The following MYO16 variants were observed in gnomAD, a reference collection of about 807,000 sequenced individuals.
The protein encoded by MYO16 is myosin XVI, also known as unconventional myosin-XVI.
In MYO16, 94 loss-of-function variants were observed where a neutral mutation model predicts 205.3. The observed-to-expected ratio is 0.46, with a 90% CI of 0.39 to 0.54. The LOEUF is 0.54. Among genes scored for constraint, MYO16 ranks in the 20% least tolerant of loss-of-function variants. The pLI is 0.00. For missense variants in MYO16, 2,315 were observed against 2,387.5 expected, an observed-to-expected ratio of 0.97 and a Z score of 0.63; for synonymous variants, 988 against 954.0, an observed-to-expected ratio of 1.04 and a Z score of -0.66.
At chr13:108,770,113 A>G (rs1215943786) in intron 4 of MYO16, among the ~76,000 whole-genome samples, 1 of 152,186 alleles carries the variant, frequency 6.6e-6, no homozygotes, top group African/African-American at 2.4e-5. Context: ...ATGATAAACT[A>G]CTAAAAAATG....
the MYO16 span, among the ~76,000 whole-genome samples, chr13:108,558,522 A>T: frequency 2.1e-4 from 32 of 152,220 alleles, no homozygotes; most frequent in Non-Finnish European, 4.0e-4. Context: ...GTAGGGTTCT[A>T]TCAGGTACTT....
chr13:108,632,010 G>T (rs370749886), intron 1 of MYO16, among the ~76,000 whole-genome samples: 1 of 150,166 alleles, frequency 6.7e-6, no homozygotes, highest in Non-Finnish European at 1.5e-5. Flanking sequence ...CCCGGGAGGC[G>T]GAGCTTGCGG....
chr13:108,685,314 C>A (rs1462767708), intron 2 of MYO16, among the ~76,000 whole-genome samples: 1 of 152,122 alleles, frequency 6.6e-6, no homozygotes, highest in Non-Finnish European at 1.5e-5. Context: ...AGCCACTGCA[C>A]CCAGCCGAGA....
chr13:108,620,096 G>A lies in MYO16; in HGVS notation c.-39+23857G>A, dbSNP rs114979815. Among the ~76,000 whole-genome samples the A allele has an allele frequency of 3.4e-3, 516 of 152,126 alleles. 3 individuals are homozygous for A. Among genetic ancestry groups the A allele is most frequent in the African/African-American group, 0.012 (499 of 41,510 alleles). On this transcript the variant is annotated intron_variant, in intron 1 of 24. Coordinates refer to the MYO16 transcript ENST00000251041. ...TCTTTGTGCCTCAATTTCCTCATCT[G>A]TTAAAAAAGTATTAGTACCCACTAC...
At chr13:108,697,432 G>T (rs1221341591) in intron 2 of MYO16, among the ~76,000 whole-genome samples, 1 of 152,264 alleles carries the variant, frequency 6.6e-6, no homozygotes, top group East Asian at 1.9e-4. Flanking sequence ...TACTCAGCAC[G>T]GGAGGACATT....
chr13:108,605,060 G>A (rs897821918), intron 1 of MYO16, among the ~76,000 whole-genome samples: 8 of 152,116 alleles, frequency 5.3e-5, no homozygotes, highest in South Asian at 2.1e-4. Flanking sequence ...AAACCATATC[G>A]GTAGTGGCAA....
chr13:108,564,172 C>CT, the MYO16 span, among the ~76,000 whole-genome samples: 3,024 of 126,662 alleles, frequency 0.024, 133 homozygotes, highest in African/African-American at 0.075. Flanking sequence ...CTATTGCCTT[C>CT]TTTTTTTTTT....
chr13:108,872,286 A>C (rs951911378), intron 12 of MYO16, among the ~76,000 whole-genome samples: 1 of 152,178 alleles, frequency 6.6e-6, no homozygotes, highest in Non-Finnish European at 1.5e-5. Context: ...GCTTCTATGG[A>C]TCTAGAGGTA....
chr13:108,760,632 A>G (rs990188433), intron 4 of MYO16, among the ~76,000 whole-genome samples: 2 of 152,182 alleles, frequency 1.3e-5, no homozygotes, highest in South Asian at 2.1e-4. Context: ...TAGCCATTAC[A>G]GAAAGAAGTA....
chr13:108,852,727 G>A (rs1877949515), intron 10 of MYO16, among the ~76,000 whole-genome samples: 1 of 152,084 alleles, frequency 6.6e-6, no homozygotes, highest in Admixed American at 6.5e-5. Context: ...GCCCCTACAT[G>A]TGTTACTAAG....
At position 108,957,742 on chromosome 13, in the gene MYO16, C is replaced by T; in HGVS notation, c.1980C>T (p.Asn660=). Residue 660 remains asparagine (N), a synonymous_variant, in exon 17 of 35, where the codon AAC becomes AAT. Transcript: ENST00000457511. ...CATCCACAGGGGAGCGTTCTCTGAA[C>T]AGGGAGAAATTGGCTGTTTTGAAAC... ...DDASTGERSL[N]REKLAVLKRA... The T allele has an allele frequency of 1.9e-6, 3 of 1,613,650 alleles. No homozygotes were observed. Among genetic ancestry groups the T allele is most frequent in the Non-Finnish European group, 1.7e-6 (2 of 1,179,630 alleles).
Position 109,202,882 on chromosome 13 carries a change from G to A in MYO16, c.5416-3727G>A, listed in dbSNP as rs564566752. ...CTAATGGAACAGAATAAAGAACCCAGAAATACACCCAAATACTTACAGCCA... is the reference window on the plus strand; with the variant it reads ...CTAATGGAACAGAATAAAGAACCCAAAAATACACCCAAATACTTACAGCCA... On this transcript the variant is annotated intron_variant, in intron 34 of 34. Transcript: ENST00000457511. Among the ~76,000 whole-genome samples the A allele has an allele frequency of 2.0e-5, 3 of 152,214 alleles. No individual in the cohort carries two copies. The South Asian group carries it at 6.2e-4, about 32-fold the overall frequency.
intron 1 of MYO16, among the ~76,000 whole-genome samples, chr13:108,658,426 T>TG (rs1881340698): frequency 1.0e-4 from 15 of 145,188 alleles, no homozygotes; most frequent in Admixed American, 2.1e-4. Context: ...TGTTTCAACT[T>TG]TGTGTGTGTG....
intron 1 of MYO16, among the ~76,000 whole-genome samples, chr13:108,617,639 A>G (rs3929748): frequency 0.39 from 58,705 of 151,970 alleles, 12,312 homozygotes; most frequent in Non-Finnish European, 0.47. Flanking sequence ...CATAAACAAA[A>G]TTACTAAAGG....
Position 108,956,563 on chromosome 13 carries a change from A to G in MYO16, c.1926-1125A>G, listed in dbSNP as rs187684516. Among the ~76,000 whole-genome samples the G allele has an allele frequency of 2.6e-4, 40 of 152,190 alleles. No homozygotes were observed. In the East Asian group the frequency reaches 7.3e-3, roughly 28 times the overall value. ...ATACAAAGCCCTGGCTACTTCTCCA[A>G]TCTCATCAATCTTTGCTCATCTCAC... On this transcript the variant is annotated intron_variant, in intron 16 of 34. Coordinates refer to ENST00000457511, the MANE Select transcript of MYO16 (RefSeq NM_001198950.3).
chr13:109,184,138 A>T (rs553936638), intron 34 of MYO16, among the ~76,000 whole-genome samples: 3 of 152,334 alleles, frequency 2.0e-5, no homozygotes, highest in African/African-American at 7.2e-5. Flanking sequence ...AATTCTAAAG[A>T]TATGTCAGGG....
chr13:109,145,703 C>CA (rs1470385865), intron 32 of MYO16, among the ~76,000 whole-genome samples: 1 of 152,198 alleles, frequency 6.6e-6, no homozygotes, highest in Non-Finnish European at 1.5e-5. Flanking sequence ...AGACCCGATT[C>CA]AAATGGTGAA....
intron 1 of MYO16, among the ~76,000 whole-genome samples, chr13:108,662,599 G>A (rs904023166): frequency 1.3e-5 from 2 of 152,152 alleles, no homozygotes; most frequent in African/African-American, 4.8e-5. Context: ...CAAACCTAAG[G>A]GCTGATCTCA....
At chr13:109,099,700 A>T (rs1298408233) in intron 27 of MYO16, among the ~76,000 whole-genome samples, 1 of 152,200 alleles carries the variant, frequency 6.6e-6, no homozygotes, top group African/African-American at 2.4e-5. Flanking sequence ...GTTTACCCAC[A>T]GTACCTGCCA....
Sources: gnomAD v4.1 joint callset for allele counts (sites outside exome capture counted in the v4.1 genomes callset) on GRCh38, gnomAD v4.1.1 for gene constraint, MANE v1.5 for transcripts, NCBI Gene and HGNC (gene_info 2026-07-23, HGNC 2026-07-21) for gene names.